SCD5: variants seen among roughly 807,000 people sequenced by gnomAD.
SCD5 encodes the protein stearoyl-CoA desaturase 5.
Under a neutral mutation model 30.4 loss-of-function variants are expected in SCD5, and 20 were observed. That is an observed-to-expected ratio of 0.66 (90% CI 0.46 to 0.96). The LOEUF is 0.96. Ranked by LOEUF, SCD5 falls within the 40% of genes least tolerant of loss-of-function variation. The pLI, the probability that SCD5 is intolerant of heterozygous loss-of-function variation, is 0.00. For missense variants in SCD5, 381 were observed against 443.3 expected (o/e 0.86, Z 1.26); for synonymous variants, 173 against 176.4 (o/e 0.98, Z 0.16).
chr4:82,753,227 T>C (rs924015398), intron 1 of SCD5: 11 of 429,726 alleles, frequency 2.6e-5, no homozygotes, highest in African/African-American at 2.2e-4. Context: ...CCTGGGGAGC[T>C]TTTACAGCCA....
intron 3 of SCD5, among the ~76,000 whole-genome samples, chr4:82,663,803 T>C (rs1728087905): frequency 6.6e-6 from 1 of 152,160 alleles, no homozygotes. Context: ...CCCCCAGACA[T>C]AGGCAAAGAA....
intron 4 of SCD5, among the ~76,000 whole-genome samples, chr4:82,633,248 G>A (rs1430655008): frequency 1.3e-5 from 2 of 152,126 alleles, no homozygotes; most frequent in African/African-American, 4.8e-5. Context: ...GTCTTTCTGT[G>A]CCTGGCTTAC....
intron 1 of SCD5, among the ~76,000 whole-genome samples, chr4:82,721,279 TTCTC>T (rs1260968824): frequency 6.6e-6 from 1 of 152,196 alleles, no homozygotes; most frequent in African/African-American, 2.4e-5. Context: ...GCAATTCAGC[TTCTC>T]TCTCTGTCCA....
intron 2 of SCD5, among the ~76,000 whole-genome samples, chr4:82,685,605 C>T (rs1001497542): frequency 3.3e-5 from 5 of 150,730 alleles, no homozygotes; most frequent in East Asian, 2.0e-4. Context: ...ACCAGCTACT[C>T]GGGAGACTGA....
At chr4:82,750,811 AGTT>A (rs1721086825) in intron 1 of SCD5, among the ~76,000 whole-genome samples, 6 of 152,190 alleles carry the variant, frequency 3.9e-5, no homozygotes, top group Non-Finnish European at 8.8e-5. Context: ...GCCAAAGTGA[AGTT>A]GTTTGCCAAG....
At chr4:82,739,128 A>C (rs1277111489) in intron 1 of SCD5, among the ~76,000 whole-genome samples, 1 of 152,216 alleles carries the variant, frequency 6.6e-6, no homozygotes, top group Non-Finnish European at 1.5e-5. Flanking sequence ...AAAAAGCCTC[A>C]ATCTGCGATT....
rs1720405352 is a variant in SCD5, at chr4:82,723,190, T to C, written c.233-17777A>G. ...GTAACATTTCTACCAGTTGTTTCAATAGCATATTGGTCCTGGCAATTTTTG... is the reference window on the plus strand; with the variant it reads ...GTAACATTTCTACCAGTTGTTTCAACAGCATATTGGTCCTGGCAATTTTTG... On this transcript the variant is annotated intron_variant, in intron 1 of 4. Coordinates refer to ENST00000319540, the MANE Select transcript of SCD5 (RefSeq NM_001037582.3). Among the ~76,000 whole-genome samples, 5 of 151,944 alleles carry C rather than the reference T, an allele frequency of 3.3e-5. No homozygotes were observed. The South Asian group carries it at 8.3e-4, about 25-fold the overall frequency.
At chr4:82,747,069 G>GCCCCA (rs1553918952) in intron 1 of SCD5, among the ~76,000 whole-genome samples, 1 of 139,698 alleles carries the variant, frequency 7.2e-6, no homozygotes. Context: ...TGGGCAACCT[G>GCCCCA]CCCCCCAAGA....
Position 82,712,289 on chromosome 4 carries a change from TATATA to T in SCD5, c.233-6881_233-6877del, listed in dbSNP as rs1720122484. Among the ~76,000 whole-genome samples the T allele has an allele frequency of 6.3e-5, 3 of 47,864 alleles. 1 individual carries two copies. Among genetic ancestry groups the T allele is most frequent in the African/African-American group, 3.2e-4 (3 of 9,338 alleles). The allele number at this position is 47,864 out of a possible 152,430, so 31.4% of individuals were successfully genotyped here. A position where few individuals can be genotyped will look rare whatever the true frequency, so the allele number is the denominator to read the frequency against. On this transcript the variant is annotated intron_variant, in intron 1 of 4. Coordinates refer to ENST00000319540, the MANE Select transcript of SCD5 (RefSeq NM_001037582.3). ...ATATATATATATATATATATATATA[TATATA>T]TATTTTATTTTTATTTTATTTTTTT... is the stretch of plus-strand genomic sequence containing the variant.
intron 1 of SCD5, among the ~76,000 whole-genome samples, chr4:82,741,356 C>T (rs1251607913): frequency 3.9e-5 from 6 of 152,124 alleles, no homozygotes; most frequent in Non-Finnish European, 1.5e-5. Context: ...GGAGCTTGCA[C>T]TTTGGTCCCT....
intron 1 of SCD5, among the ~76,000 whole-genome samples, chr4:82,759,329 G>T (rs563789138): frequency 6.6e-6 from 1 of 152,310 alleles, no homozygotes; most frequent in East Asian, 1.9e-4. Context: ...AGTTCCCCAA[G>T]GGCAGGGAGC....
chr4:82,643,768 C>T (rs1727588879), intron 3 of SCD5, among the ~76,000 whole-genome samples: 1 of 152,166 alleles, frequency 6.6e-6, no homozygotes, highest in Admixed American at 6.5e-5. Flanking sequence ...GAAATATCTT[C>T]CTCAACAATA....
At chr4:82,754,216 A>G (rs888523467) in intron 1 of SCD5, among the ~76,000 whole-genome samples, 1 of 152,202 alleles carries the variant, frequency 6.6e-6, no homozygotes, top group Non-Finnish European at 1.5e-5. Context: ...GCGGGAAATC[A>G]GAAGAGAAAG....
intron 1 of SCD5, among the ~76,000 whole-genome samples, chr4:82,779,132 TG>T (rs1441627074): frequency 2.6e-5 from 4 of 151,706 alleles, no homozygotes; most frequent in African/African-American, 9.7e-5. Flanking sequence ...CCCAAAGCGC[TG>T]GGATTACAGG....
intron 3 of SCD5, among the ~76,000 whole-genome samples, chr4:82,675,973 T>C (rs996230279): frequency 6.6e-6 from 1 of 152,228 alleles, no homozygotes; most frequent in Non-Finnish European, 1.5e-5. Context: ...GTCCAACGCA[T>C]TAACCATGAG....
chr4:82,693,183 G>C (rs1336216401), intron 2 of SCD5, among the ~76,000 whole-genome samples: 1 of 152,146 alleles, frequency 6.6e-6, no homozygotes, highest in Non-Finnish European at 1.5e-5. Flanking sequence ...GGCCAGAGTT[G>C]GCATCTCAAG....
At chr4:82,727,217 T>TA in intron 1 of SCD5, among the ~76,000 whole-genome samples, 1 of 152,340 alleles carries the variant, frequency 6.6e-6, no homozygotes, top group East Asian at 1.9e-4. Flanking sequence ...GTAACAATGA[T>TA]ATGCAGTGGA....
intron 1 of SCD5, among the ~76,000 whole-genome samples, chr4:82,712,989 TCTTA>T (rs765283890): frequency 6.6e-6 from 1 of 152,190 alleles, no homozygotes; most frequent in Non-Finnish European, 1.5e-5. Context: ...AAGGGTTTCT[TCTTA>T]CTATTAAAAC....
intron 1 of SCD5, among the ~76,000 whole-genome samples, chr4:82,790,935 T>C (rs1004674679): frequency 4.6e-5 from 7 of 152,184 alleles, no homozygotes; most frequent in African/African-American, 1.4e-4. Context: ...TGACAATCAT[T>C]GGAACTTAAA....
Sources: allele counts gnomAD v4.1 joint callset (sites outside exome capture counted in the v4.1 genomes callset), GRCh38; gene constraint gnomAD v4.1.1; transcripts MANE v1.5; gene names NCBI Gene and HGNC (gene_info 2026-07-23, HGNC 2026-07-21).